TTPA: variants seen among roughly 807,000 people sequenced by gnomAD.
The protein encoded by TTPA is alpha tocopherol transfer protein, also known as alpha-tocopherol transfer protein.
A neutral mutation model predicts 25.9 loss-of-function variants in TTPA; 23 were observed. The observed-to-expected ratio is 0.89, with a 90% CI of 0.64 to 1.26. The LOEUF is 1.26. Ranked by LOEUF, TTPA falls within the 50% of genes most tolerant of loss-of-function variation. The pLI is 0.00. For missense variants in TTPA, 337 were observed against 353.1 expected (o/e 0.95, Z 0.37); for synonymous variants, 148 against 137.3 (o/e 1.08, Z -0.54).
chr8:63,071,336 A>G (rs748305823), intron 2 of TTPA, among the ~76,000 whole-genome samples: 1 of 152,264 alleles, frequency 6.6e-6, no homozygotes, highest in Non-Finnish European at 1.5e-5. Context: ...GTTGAGTTAC[A>G]GGCAGGTATC....
chr8:63,059,034 T>TTTTTTGTTTTGTTTTG (rs1805250271), downstream of TTPA, among the ~76,000 whole-genome samples: 2 of 125,442 alleles, frequency 1.6e-5, no homozygotes, highest in African/African-American at 6.4e-5. Flanking sequence ...TTTTTTTTTT[T>TTTTTTGTTTTGTTTTG]TTTTTTTTTT....
chr8:63,066,969 G>A (rs912771345), intron 2 of TTPA, among the ~76,000 whole-genome samples: 3 of 151,944 alleles, frequency 2.0e-5, no homozygotes, highest in Admixed American at 6.6e-5. Context: ...CAGCTACTCG[G>A]GTGGCTGAGG....
rs545962060 is a variant in TTPA, at chr8:63,078,021, G to A, written c.205-4933C>T. On this transcript the variant is annotated intron_variant, in intron 1 of 4. Transcript: ENST00000260116. ...CAATATTCACTGTTCTGCAGCCTTC[G>A]CTGGTGACACCCAGGCAAACAGGGT... Among the ~76,000 whole-genome samples, 44 of 152,278 alleles carry A rather than the reference G, an allele frequency of 2.9e-4. No homozygotes were observed. The South Asian group carries it at 3.7e-3, about 13-fold the overall frequency.
chr8:63,076,985 A>T (rs1180672231), intron 1 of TTPA, among the ~76,000 whole-genome samples: 1 of 152,192 alleles, frequency 6.6e-6, no homozygotes, highest in East Asian at 1.9e-4. Flanking sequence ...ATTTTGGACA[A>T]GAGAAGAGAT....
intron 4 of TTPA, among the ~76,000 whole-genome samples, chr8:63,062,232 A>C (rs560416239): frequency 5.9e-5 from 9 of 152,294 alleles, no homozygotes; most frequent in African/African-American, 2.2e-4. Context: ...AAAAAGTATT[A>C]AAAAACAATT....
In TTPA at chr8:63,085,862, G is replaced by T; in HGVS notation, c.160C>A (p.Arg54=). 9 of 1,535,600 alleles carry T rather than the reference G, an allele frequency of 5.9e-6. No homozygotes were observed. Among genetic ancestry groups the T allele is most frequent in the Non-Finnish European group, 6.1e-6 (7 of 1,145,328 alleles). The change falls in exon 1 of 5, where the codon CGG becomes AGG. Residue 54 remains arginine, a synonymous_variant. Coordinates refer to ENST00000260116, the MANE Select transcript of TTPA (RefSeq NM_000370.3). ...TCGAAATCCCGGGCGCGCAGGAACC[G>T]CAGCAGGAAGGAGTCGGTGAGCGGC... is the stretch of plus-strand genomic sequence containing the variant. ...PLPLTDSFLL[R]FLRARDFDLD... is the part of the protein sequence containing the mutation.
intron 1 of TTPA, among the ~76,000 whole-genome samples, chr8:63,077,744 A>C (rs1450185141): frequency 6.6e-6 from 1 of 152,210 alleles, no homozygotes; most frequent in East Asian, 1.9e-4. Flanking sequence ...ATAGCTGAAC[A>C]AAAGGCAGCA....
chr8:63,085,837 T>A lies in TTPA; in HGVS notation c.185A>T (p.Asp62Val). The change falls in exon 1 of 5, where the codon GAT becomes GTT. Residue 62 changes from aspartate to valine, a missense_variant. Asp to Val is a radical substitution (Grantham distance 152). Coordinates refer to ENST00000260116, the MANE Select transcript of TTPA (RefSeq NM_000370.3). ...GCTTACCCGCCAGGCCAGGTCCAGA[T>A]CGAAATCCCGGGCGCGCAGGAACCG... ...LLRFLRARDF[D>V]LDLAWRLLKN... 1 of 1,536,608 alleles carries A rather than the reference T, an allele frequency of 6.5e-7. No homozygotes were observed. Among genetic ancestry groups the A allele is most frequent in the Non-Finnish European group, 8.7e-7 (1 of 1,145,538 alleles).
At chr8:63,074,066 C>T (rs72659820) in intron 1 of TTPA, among the ~76,000 whole-genome samples, 10,976 of 151,526 alleles carry the variant, frequency 0.072, 737 homozygotes, top group African/African-American at 0.18. Flanking sequence ...AGTTACAATA[C>T]ATTTGTTTTG....
Position 63,061,021 on chromosome 8 carries a change from T to G in TTPA, c.*231A>C. 2.2e-6 allele frequency: 1 copy of G among 451,024 alleles called. No homozygotes were observed. The highest frequency in any genetic ancestry group is 3.6e-5 in the Admixed American group (1 of 27,658). The allele number at this position is 451,024 out of a possible 1,614,324, so 27.9% of individuals were successfully genotyped here. On this transcript the variant is annotated 3_prime_UTR_variant, in exon 5 of 5. Coordinates refer to ENST00000260116, the MANE Select transcript of TTPA (RefSeq NM_000370.3). ...TCAAGTACAAAATCGCCGATTTTTA[T>G]GCTCTTAAAATGTACTGACATTTAA...
At chr8:63,059,021 T>TTTTTTTTTTTTGTTTTTTTTTTTTG (rs1491332897), downstream of TTPA, among the ~76,000 whole-genome samples, 15 of 26,522 alleles carry the variant, frequency 5.7e-4, no homozygotes, top group African/African-American at 2.1e-3. Flanking sequence ...CAGGGTCCAG[T>TTTTTTTTTTTTGTTTTTTTTTTTTG]TTTTTTTTTT....
chr8:63,067,897 T>A (rs58063484), intron 2 of TTPA, among the ~76,000 whole-genome samples: 2,997 of 152,280 alleles, frequency 0.02, 88 homozygotes, highest in African/African-American at 0.068. Flanking sequence ...TTAATTCACT[T>A]AAGATAATGG....
At chr8:63,076,626 A>G (rs1273440727) in intron 1 of TTPA, among the ~76,000 whole-genome samples, 1 of 152,210 alleles carries the variant, frequency 6.6e-6, no homozygotes, top group Non-Finnish European at 1.5e-5. Flanking sequence ...ATTATGTCCC[A>G]GAGGCTGATG....
chr8:63,077,266 G>C (rs1379411023), intron 1 of TTPA, among the ~76,000 whole-genome samples: 1 of 152,216 alleles, frequency 6.6e-6, no homozygotes, highest in Non-Finnish European at 1.5e-5. Context: ...GGTGATTTCT[G>C]CGTTTCCAAC....
In TTPA at chr8:63,060,827, G is replaced by C. The variant is rs1349947350; in HGVS notation, c.*425C>G. 6.0e-6 allele frequency: 1 copy of C among 166,768 alleles called. No individual in the cohort carries two copies. Among genetic ancestry groups the C allele is most frequent in the African/African-American group, 2.4e-5 (1 of 41,510 alleles). The allele number at this position is 166,768 out of a possible 1,614,324, so 10.3% of individuals were successfully genotyped here. A position where few individuals can be genotyped will look rare whatever the true frequency, so the allele number is the denominator to read the frequency against. Reference sequence around the variant, plus strand: ...TTAATCTGACATCCACTTAAAACAAGTGTTAATTTTTTTATCATTAGCTGA... The same window carrying C: ...TTAATCTGACATCCACTTAAAACAACTGTTAATTTTTTTATCATTAGCTGA... On this transcript the variant is annotated 3_prime_UTR_variant, in exon 5 of 5. Transcript: ENST00000260116.
At chr8:63,070,586 T>G (rs1805468140) in intron 2 of TTPA, among the ~76,000 whole-genome samples, 1 of 152,098 alleles carries the variant, frequency 6.6e-6, no homozygotes, top group South Asian at 2.1e-4. Context: ...AGTTACATGT[T>G]TTCTTGATTT....
At chr8:63,069,181 C>A (rs1378089638) in intron 2 of TTPA, among the ~76,000 whole-genome samples, 2 of 150,872 alleles carry the variant, frequency 1.3e-5, no homozygotes, top group African/African-American at 4.9e-5. Context: ...CAAAACAAAA[C>A]AAAAAAACAA....
chr8:63,062,449 T>C (rs1805322878), intron 4 of TTPA, among the ~76,000 whole-genome samples: 1 of 152,154 alleles, frequency 6.6e-6, no homozygotes, highest in East Asian at 1.9e-4. Context: ...TGCTGGGATA[T>C]GAGGTTTGAT....
In TTPA at chr8:63,066,083, T is replaced by G; in HGVS notation, c.373A>C (p.Lys125Gln). The G allele has an allele frequency of 6.5e-7, 1 of 1,530,508 alleles. No individual in the cohort carries two copies. Among genetic ancestry groups the G allele is most frequent in the African/African-American group, 2.0e-5 (1 of 50,390 alleles). The allele number at this position is 1,530,508 out of a possible 1,614,324, so 94.8% of individuals were successfully genotyped here. A position where few individuals can be genotyped will look rare whatever the true frequency, so the allele number is the denominator to read the frequency against. The change falls in exon 3 of 5, where the codon AAA (lysine) becomes CAA (glutamine). Residue 125 changes from lysine to glutamine, a missense_variant. By Grantham distance (53) the Lys-to-Gln change is moderately conservative (BLOSUM62 1). Transcript: ENST00000260116. ...LIYRIAHWDPKVFTAYDVFRV... is the reference protein window; with the variant it reads ...LIYRIAHWDPQVFTAYDVFRV... ...AATACGTCATAAGCTGTAAAAACTT[T>G]GGGGTCCCAGTGTGCTAAAAAAAAT...
Sources: allele counts gnomAD v4.1 joint callset (sites outside exome capture counted in the v4.1 genomes callset), GRCh38; gene constraint gnomAD v4.1.1; transcripts MANE v1.5; gene names NCBI Gene and HGNC (gene_info 2026-07-23, HGNC 2026-07-21).